Variants in DHX15 observed in about 807,000 individuals in gnomAD.
DHX15 encodes ATP-dependent RNA helicase DHX15.
A neutral mutation model predicts 94.4 loss-of-function variants in DHX15; 11 were observed. That is an observed-to-expected ratio of 0.12 (90% CI 0.07 to 0.19). The LOEUF is 0.19. Among genes scored for constraint, DHX15 ranks in the 10% least tolerant of loss-of-function variants. The pLI, the probability that DHX15 is intolerant of heterozygous loss-of-function variation, is 1.00. For missense variants in DHX15, 304 were observed against 988.5 expected, an observed-to-expected ratio of 0.31 and a Z score of 9.29; for synonymous variants, 338 against 329.9, an observed-to-expected ratio of 1.02 and a Z score of -0.27.
intron 3 of DHX15, among the ~76,000 whole-genome samples, chr4:24,567,525 C>T (rs375978028): frequency 5.2e-4 from 78 of 150,580 alleles, no homozygotes; most frequent in African/African-American, 1.8e-3. Context: ...TGCAGTGAGC[C>T]GAGATCGTGC....
chr4:24,564,473 T>C (rs546435864), intron 3 of DHX15, among the ~76,000 whole-genome samples: 1 of 152,336 alleles, frequency 6.6e-6, no homozygotes, highest in East Asian at 1.9e-4. Context: ...CTAGTCCATC[T>C]GCCTATCAAA....
intron 3 of DHX15, among the ~76,000 whole-genome samples, chr4:24,568,907 T>G (rs1218094595): frequency 3.9e-5 from 6 of 152,232 alleles, no homozygotes; most frequent in African/African-American, 1.4e-4. Context: ...AAGAATTTAT[T>G]CAGTGAAGAT....
intron 1 of DHX15, among the ~76,000 whole-genome samples, chr4:24,582,602 G>A (rs1722440570): frequency 6.6e-6 from 1 of 152,090 alleles, no homozygotes; most frequent in Non-Finnish European, 1.5e-5. Context: ...CTTTACCAAC[G>A]CATTATAAAT....
intron 11 of DHX15, among the ~76,000 whole-genome samples, chr4:24,535,595 A>G (rs986162965): frequency 1.3e-5 from 2 of 152,140 alleles, no homozygotes; most frequent in Non-Finnish European, 2.9e-5. Context: ...CTTAACTCTC[A>G]TATCTGCCCC....
intron 1 of DHX15, among the ~76,000 whole-genome samples, chr4:24,577,702 G>A (rs1457087945): frequency 6.6e-6 from 1 of 152,090 alleles, no homozygotes; most frequent in East Asian, 1.9e-4. Context: ...AAGTATCTAT[G>A]CTAAGAACTT....
chr4:24,561,058 C>T (rs1460825969), intron 3 of DHX15, among the ~76,000 whole-genome samples: 1 of 152,048 alleles, frequency 6.6e-6, no homozygotes, highest in South Asian at 2.1e-4. Context: ...CTCTATGACC[C>T]GAACAATTTC....
At chr4:24,574,749 A>T (rs537229091) in intron 2 of DHX15, among the ~76,000 whole-genome samples, 8 of 152,350 alleles carry the variant, frequency 5.3e-5, no homozygotes, top group African/African-American at 1.7e-4. Context: ...GGGTTATAGA[A>T]AAACGTAAAT....
At chr4:24,575,072 G>A (rs544775321) in intron 2 of DHX15, among the ~76,000 whole-genome samples, 1 of 151,656 alleles carries the variant, frequency 6.6e-6, no homozygotes, top group Admixed American at 6.6e-5. Flanking sequence ...CAGGAGGATC[G>A]CTTCAGCTCA....
At chr4:24,543,508 C>G (rs1721360783) in intron 6 of DHX15, among the ~76,000 whole-genome samples, 1 of 152,058 alleles carries the variant, frequency 6.6e-6, no homozygotes, top group Admixed American at 6.6e-5. Flanking sequence ...TGGAAAAAAA[C>G]TCAAGTTATA....
rs115405249 is a variant in DHX15 at position 24,565,610 on chromosome 4, C to T, written c.701+5044G>A. 2.9e-4 allele frequency among the ~76,000 whole-genome samples: 44 copies of T among 152,274 alleles called. 1 individual carries two copies. The Middle Eastern group carries it at 0.01, about 35-fold the overall frequency. Reference sequence around the variant, plus strand: ...ATTGATTCATTCCGGTGACAAGTCACGTCAAGGTTTAAGTTTACATCCCCA... The same window carrying T: ...ATTGATTCATTCCGGTGACAAGTCATGTCAAGGTTTAAGTTTACATCCCCA... On this transcript the variant is annotated intron_variant, in intron 3 of 13. Transcript: ENST00000336812.
chr4:24,560,325 C>T (rs990975182), intron 3 of DHX15, among the ~76,000 whole-genome samples: 2 of 151,942 alleles, frequency 1.3e-5, no homozygotes, highest in African/African-American at 2.4e-5. Context: ...GAAATCCCTA[C>T]CTCAAAGCTT....
At chr4:24,533,936 C>T (rs943776948) in intron 11 of DHX15, 2 of 152,198 alleles carry the variant, frequency 1.3e-5, no homozygotes, top group African/African-American at 4.8e-5. Flanking sequence ...CTTCAGCATA[C>T]TCTTTTCTCT....
intron 1 of DHX15, among the ~76,000 whole-genome samples, chr4:24,578,989 G>A (rs964345231): frequency 1.3e-5 from 2 of 152,172 alleles, no homozygotes; most frequent in African/African-American, 4.8e-5. Flanking sequence ...GTTTGTTAAA[G>A]TAATACCTAT....
chr4:24,542,802 G>A, intron 7 of DHX15, 138 bp downstream of exon 7: 1 of 607,230 alleles, frequency 1.6e-6, no homozygotes, highest in South Asian at 2.4e-5. Context: ...AAACATAAAG[G>A]GTTCATACAG....
At position 24,540,826 on chromosome 4, in the gene DHX15, T is replaced by C; in HGVS notation, c.1594+14A>G. 1.4e-6 allele frequency: 2 copies of C among 1,434,636 alleles called. No homozygotes were observed. Among genetic ancestry groups the C allele is most frequent in the Non-Finnish European group, 1.9e-6 (2 of 1,031,722 alleles). The allele number at this position is 1,434,636 out of a possible 1,614,324, so 88.9% of individuals were successfully genotyped here. ...TTAAAAGATCTGATAAAAATGTGTT[T>C]TGATAAGTCATACCTGGTGGATCCA... On this transcript the variant is annotated intron_variant, in intron 9 of 13. Coordinates refer to ENST00000336812, the MANE Select transcript of DHX15 (RefSeq NM_001358.3).
intron 3 of DHX15, among the ~76,000 whole-genome samples, chr4:24,560,668 T>C (rs911248073): frequency 6.6e-6 from 1 of 152,192 alleles, no homozygotes. Flanking sequence ...CATCTAATTC[T>C]ATCAATTTTA....
Position 24,554,730 on chromosome 4 carries a change from G to T in DHX15, c.1075C>A (p.Gln359Lys). The T allele has an allele frequency of 6.2e-7, 1 of 1,611,510 alleles. No individual in the cohort carries two copies. The highest frequency in any genetic ancestry group is 1.1e-5 in the South Asian group (1 of 90,934). The change falls in exon 5 of 14, where the codon CAA (glutamine) becomes AAA (lysine). Residue 359 changes from glutamine (Q) to lysine (K), a missense_variant. By Grantham distance (53) the Gln-to-Lys change is moderately conservative. Transcript: ENST00000336812. The part of the protein sequence containing the change: ...EGDLLLFLTG[Q>K]EEIDEACKRI... Reference sequence around the variant, plus strand: ...GAAGAAAATTAAAACAATACCTCTTGACCAGTTAAGAAAAGAAGAAGATCT... The same window carrying T: ...GAAGAAAATTAAAACAATACCTCTTTACCAGTTAAGAAAAGAAGAAGATCT...
chr4:24,560,285 C>CA (rs1560770866), intron 3 of DHX15, among the ~76,000 whole-genome samples: 1 of 151,486 alleles, frequency 6.6e-6, no homozygotes, highest in Non-Finnish European at 1.5e-5. Flanking sequence ...CTAAGAAAGG[C>CA]AAAAAATCAT....
intron 3 of DHX15, among the ~76,000 whole-genome samples, chr4:24,565,107 C>T (rs1418429743): frequency 2.0e-5 from 3 of 152,208 alleles, no homozygotes; most frequent in Non-Finnish European, 2.9e-5. Flanking sequence ...ATTCTTTCAT[C>T]CTCAACAGAA....
Sources: gnomAD v4.1 joint callset for allele counts (sites outside exome capture counted in the v4.1 genomes callset) on GRCh38, gnomAD v4.1.1 for gene constraint, MANE v1.5 for transcripts, NCBI Gene and HGNC (gene_info 2026-07-23, HGNC 2026-07-21) for gene names.